The following ZDHHC23 variants were observed in gnomAD, a reference collection of about 807,000 sequenced individuals.
The protein encoded by ZDHHC23 is palmitoyltransferase ZDHHC23.
ZDHHC23 carries 41 observed loss-of-function variants against 40.2 expected under a neutral mutation model. The observed-to-expected ratio is 1.02, with a 90% confidence interval of 0.79 to 1.32. The LOEUF (loss-of-function observed/expected upper bound fraction) is 1.32. ZDHHC23 is among the 40% of genes most tolerant of loss of function. The probability of loss-of-function intolerance (pLI) is 0.00; values close to 1 mark genes in which losing one functional copy is unlikely to be tolerated. For missense variants in ZDHHC23, 471 were observed against 541.5 expected, an observed-to-expected ratio of 0.87 and a Z score of 1.29; for synonymous variants, 204 against 210.2, an observed-to-expected ratio of 0.97 and a Z score of 0.26.
At chr3:113,979,410 A>T in the ZDHHC23 span, among the ~76,000 whole-genome samples, 1 of 152,252 alleles carries the variant, frequency 6.6e-6, no homozygotes, top group South Asian at 2.1e-4. Flanking sequence ...CTAATTGAGG[A>T]AATGCCAATA....
chr3:113,964,775 C>T (rs1240822657), downstream of ZDHHC23: 2 of 153,666 alleles, frequency 1.3e-5, no homozygotes, highest in African/African-American at 2.4e-5. Flanking sequence ...GAGCACTCAC[C>T]CCTGTTTATT....
rs180767048 is a variant in ZDHHC23 at position 113,960,912 on chromosome 3, C to T, written c.*2282C>T. The T allele has an allele frequency of 7.0e-5, 64 of 918,184 alleles. No individual in the cohort carries two copies. The highest frequency in any genetic ancestry group is 3.0e-4 in the South Asian group (14 of 46,904). 56.9% of individuals were successfully genotyped at this position (918,184 alleles called of 1,614,324 possible). A position where few individuals can be genotyped will look rare whatever the true frequency, so the allele number is the denominator to read the frequency against. On this transcript the variant is annotated 3_prime_UTR_variant, in exon 5 of 5. Transcript: ENST00000638807. Reference sequence around the variant, plus strand: ...GAAAAGCCTTCCCAGGCGTCTGTACCGAAAGGAGCAGCAAACAAGGGGCTA... The same window carrying T: ...GAAAAGCCTTCCCAGGCGTCTGTACTGAAAGGAGCAGCAAACAAGGGGCTA...
At chr3:113,957,149 G>A (rs529437546) in intron 4 of ZDHHC23, among the ~76,000 whole-genome samples, 2 of 152,076 alleles carry the variant, frequency 1.3e-5, no homozygotes, top group African/African-American at 4.8e-5. Context: ...CGGCCTCAGC[G>A]CCCCCTCCCT....
the ZDHHC23 span, among the ~76,000 whole-genome samples, chr3:113,975,111 T>A: frequency 6.6e-6 from 1 of 152,068 alleles, no homozygotes; most frequent in Non-Finnish European, 1.5e-5. Flanking sequence ...TGTAGGTCTG[T>A]GACTTTCATT....
rs1939430328 is a variant in ZDHHC23, at chr3:113,958,351, T to C, written c.1041-12T>C. Reference sequence around the variant, plus strand: ...AAAACGGCAGCCCTGACAGCCTTTTTCCCTCTCCTAGCTCGGCTCTGTCCT... The same window carrying C: ...AAAACGGCAGCCCTGACAGCCTTTTCCCCTCTCCTAGCTCGGCTCTGTCCT... On this transcript the variant is annotated splice_polypyrimidine_tract_variant and intron_variant, in intron 4 of 4. Coordinates refer to ENST00000638807, the MANE Select transcript of ZDHHC23 (RefSeq NM_001320466.2). 2 of 1,591,750 alleles carry C rather than the reference T, an allele frequency of 1.3e-6. No individual in the cohort carries two copies. Among genetic ancestry groups the C allele is most frequent in the Non-Finnish European group, 1.7e-6 (2 of 1,164,774 alleles).
chr3:113,965,797 G>A (rs1940090787), downstream of ZDHHC23, among the ~76,000 whole-genome samples: 1 of 151,994 alleles, frequency 6.6e-6, no homozygotes, highest in African/African-American at 2.4e-5. Context: ...GTTTCACCAT[G>A]TTGGCCAGGC....
At position 113,962,678 on chromosome 3, in the gene ZDHHC23, T is replaced by C. The variant is rs1262803417; in HGVS notation, c.*4048T>C. 6.6e-6 allele frequency: 1 copy of C among 152,224 alleles called. No individual in the cohort carries two copies. Among genetic ancestry groups the C allele is most frequent in the Non-Finnish European group, 1.5e-5 (1 of 68,042 alleles). 9.4% of individuals were successfully genotyped at this position (152,224 alleles called of 1,614,324 possible). A position where few individuals can be genotyped will look rare whatever the true frequency, so the allele number is the denominator to read the frequency against. On this transcript the variant is annotated 3_prime_UTR_variant, in exon 5 of 5. Transcript: ENST00000638807. ...TGTTAGGGATTTTGAGTTTTTCATT[T>C]TATTGCATATCTGGGTTGGATGTTA...
Position 113,953,719 on chromosome 3 carries a change from T to C in ZDHHC23, c.181T>C (p.Leu61=), listed in dbSNP as rs755755385. ...GCDRWITCKS[L]QPETCERIMD... ...GAATAGATGGATTACATGTAAATCT[T>C]TACAGCCAGAGACTTGTGAAAGAAT... is the stretch of plus-strand genomic sequence containing the variant. The change falls in exon 3 of 5, where the codon TTA becomes CTA. Residue 61 remains leucine (L), a synonymous_variant. Transcript: ENST00000638807. 2.4e-5 allele frequency: 38 copies of C among 1,613,566 alleles called. No homozygotes were observed. Among genetic ancestry groups the C allele is most frequent in the Non-Finnish European group, 3.1e-5 (37 of 1,179,760 alleles).
intron 2 of ZDHHC23, among the ~76,000 whole-genome samples, chr3:113,952,808 T>C (rs1938807189): frequency 6.6e-6 from 1 of 152,204 alleles, no homozygotes; most frequent in Admixed American, 6.5e-5. Context: ...CTTCTTGCTG[T>C]GTCCTCACAT....
the ZDHHC23 span, among the ~76,000 whole-genome samples, chr3:113,974,056 T>A: frequency 6.6e-6 from 1 of 151,960 alleles, no homozygotes; most frequent in Non-Finnish European, 1.5e-5. Context: ...CTTGATCCAT[T>A]TGGCTGTTGA....
At chr3:113,968,518 G>A (rs1282694144), downstream of ZDHHC23, among the ~76,000 whole-genome samples, 1 of 151,316 alleles carries the variant, frequency 6.6e-6, no homozygotes, top group Non-Finnish European at 1.5e-5. Flanking sequence ...GTGTGATGTT[G>A]GTTCACTTCT....
At position 113,962,710 on chromosome 3, in the gene ZDHHC23, A is replaced by G. The variant is rs762641266; in HGVS notation, c.*4080A>G. 1.3e-5 allele frequency: 2 copies of G among 152,204 alleles called. No homozygotes were observed. Among genetic ancestry groups the G allele is most frequent in the Non-Finnish European group, 2.9e-5 (2 of 68,028 alleles). The allele number at this position is 152,204 out of a possible 1,614,324, so 9.4% of individuals were successfully genotyped here. ...ATATCTGGGTTGGATGTTAGACTAA[A>G]GGAAACCCAGGAATATTTACCTGGT... On this transcript the variant is annotated 3_prime_UTR_variant, in exon 5 of 5. Transcript: ENST00000638807.
In ZDHHC23 at chr3:113,959,053, G is replaced by A. The variant is rs952395443; in HGVS notation, c.*423G>A. On this transcript the variant is annotated 3_prime_UTR_variant, in exon 5 of 5. Coordinates refer to ENST00000638807, the MANE Select transcript of ZDHHC23 (RefSeq NM_001320466.2). ...GTCTCAGGGTCATCTGCAAAGTGGG[G>A]TACTGATGCCTGCCCTGGCTACCTC... 8 of 986,222 alleles carry A rather than the reference G, an allele frequency of 8.1e-6. No homozygotes were observed. Among genetic ancestry groups the A allele is most frequent in the South Asian group, 3.9e-5 (2 of 51,696 alleles). The allele number at this position is 986,222 out of a possible 1,614,324, so 61.1% of individuals were successfully genotyped here.
chr3:113,954,476 C>T (rs1938983151), intron 3 of ZDHHC23, 66 bp downstream of exon 3: 1 of 1,425,974 alleles, frequency 7.0e-7, no homozygotes, highest in Non-Finnish European at 9.4e-7. Context: ...TACATTTTAT[C>T]TTCCCTTGTG....
At position 113,959,814 on chromosome 3, in the gene ZDHHC23, A is replaced by AAC. The variant is rs1168200348; in HGVS notation, c.*1186_*1187dup. 3.8e-5 allele frequency: 40 copies of AAC among 1,051,772 alleles called. No homozygotes were observed. Among genetic ancestry groups the AAC allele is most frequent in the Non-Finnish European group, 4.5e-5 (39 of 861,800 alleles). The allele number at this position is 1,051,772 out of a possible 1,614,324, so 65.2% of individuals were successfully genotyped here. On this transcript the variant is annotated 3_prime_UTR_variant, in exon 5 of 5. Coordinates refer to ENST00000638807, the MANE Select transcript of ZDHHC23 (RefSeq NM_001320466.2). Reference sequence around the variant, plus strand: ...AACAGTATCTCACTAAGAGAGAAGAAACAGGGTATATGTGGTTTCCACTAT... The same window carrying AAC: ...AACAGTATCTCACTAAGAGAGAAGAAACACAGGGTATATGTGGTTTCCACTAT...
At position 113,953,883 on chromosome 3, in the gene ZDHHC23, G is replaced by A; in HGVS notation, c.345G>A (p.Val115=). 1 of 1,614,124 alleles carries A rather than the reference G, an allele frequency of 6.2e-7. No individual in the cohort carries two copies. Among genetic ancestry groups the A allele is most frequent in the Non-Finnish European group, 8.5e-7 (1 of 1,180,030 alleles). ...CCTGGCATTTCCTCCTGGGGGTGGT[G>A]GTTTTGACCTCCCTTCCTGTGCTGG... ...VASWHFLLGV[V]VLTSLPVLAL... is the part of the protein sequence containing the mutation. The change falls in exon 3 of 5, where the codon GTG becomes GTA. Residue 115 remains valine (V), a synonymous_variant. Coordinates refer to ENST00000638807, the MANE Select transcript of ZDHHC23 (RefSeq NM_001320466.2).
the ZDHHC23 span, among the ~76,000 whole-genome samples, chr3:113,977,576 A>G: frequency 1.3e-5 from 2 of 152,254 alleles, no homozygotes; most frequent in South Asian, 2.1e-4. Context: ...CCATGTATAT[A>G]AAGTTCCAAA....
chr3:113,965,201 T>G (rs745773307), downstream of ZDHHC23: 15 of 1,610,578 alleles, frequency 9.3e-6, no homozygotes, highest in South Asian at 1.4e-4. Flanking sequence ...AGTATCTGAT[T>G]GCTGATATAG....
the ZDHHC23 span, among the ~76,000 whole-genome samples, chr3:113,971,185 G>T: frequency 6.6e-6 from 1 of 152,208 alleles, no homozygotes; most frequent in Non-Finnish European, 1.5e-5. Context: ...CCCACCAACA[G>T]TGTAAAAGTG....
Sources: allele counts gnomAD v4.1 joint callset (sites outside exome capture counted in the v4.1 genomes callset), GRCh38; gene constraint gnomAD v4.1.1; transcripts MANE v1.5; gene names NCBI Gene and HGNC (gene_info 2026-07-23, HGNC 2026-07-21).